The following IZUMO1R variants were observed in gnomAD, a reference collection of about 807,000 sequenced individuals.
The protein encoded by IZUMO1R is IZUMO1 receptor, JUNO.
Under a neutral mutation model 22.1 loss-of-function variants are expected in IZUMO1R, and 24 were observed. The observed-to-expected ratio is 1.09, with a 90% CI of 0.79 to 1.53. The LOEUF is 1.53. Ranked by LOEUF, IZUMO1R falls within the 40% of genes most tolerant of loss-of-function variation. The pLI, the probability that IZUMO1R is intolerant of heterozygous loss-of-function variation, is 0.00. For missense variants in IZUMO1R, 308 were observed against 314.9 expected (o/e 0.98, Z 0.17); for synonymous variants, 133 against 121.2 (o/e 1.10, Z -0.64).
chr11:94,305,712 A>T lies in IZUMO1R; in HGVS notation c.76A>T (p.Ile26Phe). 6.2e-7 allele frequency: 1 copy of T among 1,613,442 alleles called. No homozygotes were observed. Among genetic ancestry groups the T allele is most frequent in the East Asian group, 2.2e-5 (1 of 44,834 alleles). The part of the protein sequence containing the change: ...PTWAGDELLN[I>F]CMNAKHHKRV... ...CTGGGCTGGGGACGAGCTGCTCAAC[A>T]TCTGCATGAATGCCAAACACCACAA... The change falls in exon 2 of 5, where the codon ATC becomes TTC. Residue 26 changes from isoleucine (I) to phenylalanine (F), a missense_variant. Ile to Phe is a conservative substitution (Grantham distance 21). Transcript: ENST00000687084.
intron 2 of IZUMO1R, 51 bp from the exon 3 acceptor site, chr11:94,306,462 C>T: frequency 6.4e-7 from 1 of 1,553,248 alleles, no homozygotes; most frequent in Non-Finnish European, 8.9e-7. Flanking sequence ...TAGACACTTG[C>T]CGATCCTTGC....
chr11:94,307,060 G>C, intron 3 of IZUMO1R, 105 bp from the exon 4 acceptor site: 1 of 1,303,212 alleles, frequency 7.7e-7, no homozygotes, highest in Middle Eastern at 2.6e-4. Context: ...AGGCTTTATG[G>C]AAGATGATGT....
chr11:94,305,581 T>G, intron 1 of IZUMO1R, 50 bp from the exon 2 acceptor site: 2 of 1,589,484 alleles, frequency 1.3e-6, no homozygotes, highest in East Asian at 2.3e-5. Context: ...ATGAAGGGGG[T>G]GGAGTGGGGT....
rs971542504 is a variant in IZUMO1R, at chr11:94,305,603, C to G, written c.-6-28C>G. ...GGGTGGAGTGGGGTGTCATTTCCAT[C>G]AAGTGTGCAGCATGGGTCTCTCTGT... On this transcript the variant is annotated intron_variant, in intron 1 of 4. Coordinates refer to ENST00000687084, the MANE Select transcript of IZUMO1R (RefSeq NM_001199206.4). 3 of 1,609,050 alleles carry G rather than the reference C, an allele frequency of 1.9e-6. No individual in the cohort carries two copies. The African/African-American group carries it at 4.0e-5, about 22-fold the overall frequency.
rs951224041 is a variant in IZUMO1R at position 94,304,701 on chromosome 11, C to G, written c.-185C>G. 4.6e-5 allele frequency among the ~76,000 whole-genome samples: 7 copies of G among 152,250 alleles called. No homozygotes were observed. Among genetic ancestry groups the G allele is most frequent in the South Asian group, 2.1e-4 (1 of 4,820 alleles). On this transcript the variant is annotated 5_prime_UTR_variant, in exon 1 of 5. Transcript: ENST00000687084. Reference sequence around the variant, plus strand: ...AGCAAACTTCCTCGGAACCCACAGGCCTGCAGAGCTGGGTGAGACAGATGC... The same window carrying G: ...AGCAAACTTCCTCGGAACCCACAGGGCTGCAGAGCTGGGTGAGACAGATGC...
Position 94,305,693 on chromosome 11 carries a change from T to G in IZUMO1R, c.57T>G (p.Ala19=), listed in dbSNP as rs756520481. The G allele has an allele frequency of 1.9e-6, 3 of 1,613,346 alleles. No homozygotes were observed. The highest frequency in any genetic ancestry group is 2.5e-6 in the Non-Finnish European group (3 of 1,179,738). Residue 19 remains alanine (A), a synonymous_variant, in exon 2 of 5, where the codon GCT becomes GCG. Coordinates refer to ENST00000687084, the MANE Select transcript of IZUMO1R (RefSeq NM_001199206.4). ...LELWTVMPTW[A]GDELLNICMN... ...TGTGGACAGTCATGCCCACCTGGGC[T>G]GGGGACGAGCTGCTCAACATCTGCA...
In IZUMO1R at chr11:94,307,637, G is replaced by C; in HGVS notation, c.698G>C (p.Trp233Ser). The part of the protein sequence containing the change: ...ARLFASSAPS[W>S]ELSYTIMVCS... ...CTCTTCGCCAGCTCTGCCCCATCCT[G>C]GGAACTGTCCTACACCATCATGGTC... is the stretch of plus-strand genomic sequence containing the variant. The change falls in exon 5 of 5, where the codon TGG becomes TCG. Residue 233 changes from tryptophan (W) to serine (S), a missense_variant. Transcript: ENST00000687084. 1 of 1,613,812 alleles carries C rather than the reference G, an allele frequency of 6.2e-7. No individual in the cohort carries two copies. Among genetic ancestry groups the C allele is most frequent in the Admixed American group, 1.7e-5 (1 of 60,014 alleles).
intron 1 of IZUMO1R, 27 bp from the exon 2 acceptor site, chr11:94,305,604 A>C: frequency 2.5e-6 from 4 of 1,609,402 alleles, no homozygotes; most frequent in Non-Finnish European, 3.4e-6. Flanking sequence ...CATTTCCATC[A>C]AGTGTGCAGC....
Position 94,307,771 on chromosome 11 carries a change from C to A in IZUMO1R, c.*79C>A. 1 of 1,490,328 alleles carries A rather than the reference C, an allele frequency of 6.7e-7. No individual in the cohort carries two copies. Among genetic ancestry groups the A allele is most frequent in the Non-Finnish European group, 9.2e-7 (1 of 1,090,522 alleles). The allele number at this position is 1,490,328 out of a possible 1,614,324, so 92.3% of individuals were successfully genotyped here. A position where few individuals can be genotyped will look rare whatever the true frequency, so the allele number is the denominator to read the frequency against. On this transcript the variant is annotated 3_prime_UTR_variant, in exon 5 of 5. Coordinates refer to ENST00000687084, the MANE Select transcript of IZUMO1R (RefSeq NM_001199206.4). ...CCAGGCCATGGCCTACCTCCTTCCT[C>A]AGGCCCTCCCCTAAAAGCAGTGGCA...
chr11:94,306,159 A>G (rs1421871300), intron 2 of IZUMO1R, among the ~76,000 whole-genome samples: 1 of 151,902 alleles, frequency 6.6e-6, no homozygotes, highest in Non-Finnish European at 1.5e-5. Flanking sequence ...CATTTGGCCT[A>G]TGAGACCCTC....
At position 94,305,660 on chromosome 11, in the gene IZUMO1R, G is replaced by T. The variant is rs776447449; in HGVS notation, c.24G>T (p.Leu8=). 3.7e-6 allele frequency: 6 copies of T among 1,613,152 alleles called. No individual in the cohort carries two copies. The highest frequency in any genetic ancestry group is 1.7e-4 in the Middle Eastern group (1 of 5,768). The part of the protein sequence containing the change: MACWWPL[L]LELWTVMPTW... ...CCATGGCATGCTGGTGGCCGCTCCT[G>T]CTAGAGCTGTGGACAGTCATGCCCA... is the stretch of plus-strand genomic sequence containing the variant. Residue 8 remains leucine, a synonymous_variant, in exon 2 of 5, where the codon CTG becomes CTT. Transcript: ENST00000687084.
intron 3 of IZUMO1R, 80 bp from the exon 4 acceptor site, chr11:94,307,085 G>A (rs1944029020): frequency 6.8e-7 from 1 of 1,461,200 alleles, no homozygotes; most frequent in Admixed American, 2.0e-5. Context: ...ATGGTACCTG[G>A]TACAAATACC....
chr11:94,306,488 C>G, intron 2 of IZUMO1R, 25 bp from the exon 3 acceptor site: 5 of 1,610,908 alleles, frequency 3.1e-6, no homozygotes, highest in Non-Finnish European at 4.2e-6. Flanking sequence ...TTGCCTGGGC[C>G]TTTTGTTTCT....
chr11:94,304,846 G>A lies in IZUMO1R; in HGVS notation c.-40G>A, dbSNP rs753236842. Among the ~76,000 whole-genome samples the A allele has an allele frequency of 2.0e-5, 3 of 152,160 alleles. No individual in the cohort carries two copies. Among genetic ancestry groups the A allele is most frequent in the Non-Finnish European group, 4.4e-5 (3 of 68,024 alleles). On this transcript the variant is annotated 5_prime_UTR_variant, in exon 1 of 5. Coordinates refer to ENST00000687084, the MANE Select transcript of IZUMO1R (RefSeq NM_001199206.4). Reference sequence around the variant, plus strand: ...AGCCTCATAGTCTCAGGGGGAGGAGGGAGCAGGAGCACCTGAAGGCTCCTG... The same window carrying A: ...AGCCTCATAGTCTCAGGGGGAGGAGAGAGCAGGAGCACCTGAAGGCTCCTG...
intron 2 of IZUMO1R, among the ~76,000 whole-genome samples, 160 bp from the exon 3 acceptor site, chr11:94,306,353 G>A (rs1944018664): frequency 6.6e-6 from 1 of 152,120 alleles, no homozygotes; most frequent in South Asian, 2.1e-4. Flanking sequence ...AATATTGAGA[G>A]ATTATCAGGG....
In IZUMO1R at chr11:94,305,037, G is replaced by C. The variant is rs112916646; in HGVS notation, c.-7+158G>C. ...TGGACTTGAGGTTGGGCTCTGAAGA[G>C]GGGGGCTGGGCTCTTCTTCCCCAGG... On this transcript the variant is annotated intron_variant, in intron 1 of 4. Transcript: ENST00000687084. Among the ~76,000 whole-genome samples the C allele has an allele frequency of 2.5e-3, 375 of 152,304 alleles. 1 individual carries two copies. The highest frequency in any genetic ancestry group is 8.5e-3 in the African/African-American group (354 of 41,566).
chr11:94,305,060 A>G (rs1329749658), intron 1 of IZUMO1R, among the ~76,000 whole-genome samples, 181 bp downstream of exon 1: 1 of 152,058 alleles, frequency 6.6e-6, no homozygotes, highest in Non-Finnish European at 1.5e-5. Context: ...CTTCTTCCCC[A>G]GGATGTTTGA....
intron 2 of IZUMO1R, among the ~76,000 whole-genome samples, chr11:94,306,079 T>C (rs974226957): frequency 6.6e-6 from 1 of 151,712 alleles, no homozygotes; most frequent in African/African-American, 2.4e-5. Context: ...GGGCAACATA[T>C]GACTTATGTG....
At chr11:94,306,464 G>A (rs370195576) in intron 2 of IZUMO1R, 49 bp from the exon 3 acceptor site, 83 of 1,564,962 alleles carry the variant, frequency 5.3e-5, no homozygotes, top group Middle Eastern at 5.0e-4. Context: ...GACACTTGCC[G>A]ATCCTTGCCC....
Sources: gnomAD v4.1 joint callset for allele counts (sites outside exome capture counted in the v4.1 genomes callset) on GRCh38, gnomAD v4.1.1 for gene constraint, MANE v1.5 for transcripts, NCBI Gene and HGNC (gene_info 2026-07-23, HGNC 2026-07-21) for gene names.